The following PTPRD variants were observed in gnomAD, a reference collection of about 807,000 sequenced individuals.
PTPRD encodes the protein receptor-type tyrosine-protein phosphatase delta.
In PTPRD, 34 loss-of-function variants were observed where a neutral mutation model predicts 214.5. That is an observed-to-expected ratio of 0.16 (90% CI 0.12 to 0.21). PTPRD has a LOEUF of 0.21. Ranked by LOEUF, PTPRD falls within the 10% of genes least tolerant of loss-of-function variation. The pLI is 1.00. For synonymous variants in PTPRD, 1,128 were observed against 845.7 expected (o/e 1.33, Z -5.79); for missense variants, 2,545 against 2,398.7 (o/e 1.06, Z -1.27).
chr9:9,168,880 A>T (rs1339802685), intron 10 of PTPRD, among the ~76,000 whole-genome samples: 6 of 151,782 alleles, frequency 4.0e-5, no homozygotes, highest in African/African-American at 1.4e-4. Flanking sequence ...TTTTTTTAAA[A>T]AATATTTATT....
chr9:9,581,662 T>G (rs947652878), intron 7 of PTPRD, among the ~76,000 whole-genome samples: 12 of 152,092 alleles, frequency 7.9e-5, no homozygotes, highest in Admixed American at 7.2e-4. Flanking sequence ...TGTTTAGGTG[T>G]TAGAGTTTAC....
Position 8,341,178 on chromosome 9 carries a change from G to A in PTPRD, c.5038C>T (p.Pro1680Ser), listed in dbSNP as rs199674759. 68 of 1,612,768 alleles carry A rather than the reference G, an allele frequency of 4.2e-5. No homozygotes were observed. The Admixed American group carries it at 8.7e-4, about 21-fold the overall frequency. The change falls in exon 41 of 46, where the codon CCA becomes TCA. Residue 1680 changes from proline to serine, a missense_variant. Coordinates refer to ENST00000381196, the MANE Select transcript of PTPRD (RefSeq NM_002839.4). ...KFKNRLVNIMPYESTRVCLQP... is the reference protein window; with the variant it reads ...KFKNRLVNIMSYESTRVCLQP... ...AGGCATACCCTTGTGGATTCATATG[G>A]CATAATATTAACAAGGCGATTTTTG...
intron 6 of PTPRD, among the ~76,000 whole-genome samples, chr9:9,760,370 T>C (rs1031809544): frequency 2.0e-5 from 3 of 152,126 alleles, no homozygotes; most frequent in Non-Finnish European, 4.4e-5. Context: ...TTACATACAG[T>C]AAAATTTTTG....
intron 2 of PTPRD, among the ~76,000 whole-genome samples, chr9:10,471,048 GA>G (rs1282079271): frequency 1.3e-5 from 2 of 152,038 alleles, no homozygotes; most frequent in East Asian, 3.9e-4. Flanking sequence ...ACACAGGAAA[GA>G]AAACCAAACA....
At chr9:9,070,777 A>G (rs1461998786) in intron 10 of PTPRD, among the ~76,000 whole-genome samples, 1 of 152,168 alleles carries the variant, frequency 6.6e-6, no homozygotes, top group Non-Finnish European at 1.5e-5. Flanking sequence ...TACATTTATC[A>G]CACTTTATAA....
At chr9:8,636,661 A>G (rs1293483842) in intron 13 of PTPRD, 38 bp downstream of exon 13, 1 of 1,608,500 alleles carries the variant, frequency 6.2e-7, no homozygotes, top group Non-Finnish European at 8.5e-7. Context: ...GAGCAGATAC[A>G]TTCTTCCCCC....
At chr9:9,931,561 G>A (rs955632648) in intron 5 of PTPRD, among the ~76,000 whole-genome samples, 3 of 152,162 alleles carry the variant, frequency 2.0e-5, no homozygotes, top group Non-Finnish European at 2.9e-5. Context: ...TCCCGCACGT[G>A]GCTCGGAGGG....
intron 39 of PTPRD, among the ~76,000 whole-genome samples, chr9:8,353,983 G>T (rs2076337729): frequency 1.6e-5 from 2 of 126,400 alleles, no homozygotes; most frequent in East Asian, 2.2e-4. Context: ...TTTTTGAGAA[G>T]GAGTCTCACT....
intron 7 of PTPRD, among the ~76,000 whole-genome samples, chr9:9,623,151 C>T (rs1430971859): frequency 1.3e-5 from 2 of 152,136 alleles, no homozygotes; most frequent in African/African-American, 2.4e-5. Context: ...CTTACTTTCA[C>T]GTAACTCATT....
In PTPRD at chr9:8,387,773, G is replaced by C. The variant is rs560490902; in HGVS notation, c.4386+1459C>G. On this transcript the variant is annotated intron_variant, in intron 37 of 45. Coordinates refer to ENST00000381196, the MANE Select transcript of PTPRD (RefSeq NM_002839.4). Reference sequence around the variant, plus strand: ...CATATGTAAACTGGAGGTCACAGTAGTGTTTCTTGTAAAGGGCTGTTATGA... The same window carrying C: ...CATATGTAAACTGGAGGTCACAGTACTGTTTCTTGTAAAGGGCTGTTATGA... Among the ~76,000 whole-genome samples the C allele has an allele frequency of 9.2e-5, 14 of 152,288 alleles. No individual in the cohort carries two copies. The South Asian group carries it at 2.9e-3, about 32-fold the overall frequency.
intron 4 of PTPRD, among the ~76,000 whole-genome samples, chr9:9,977,455 A>T (rs1052330591): frequency 6.6e-6 from 1 of 152,212 alleles, no homozygotes; most frequent in Non-Finnish European, 1.5e-5. Flanking sequence ...ATCTATGTTT[A>T]AGTTTTTAAT....
intron 3 of PTPRD, among the ~76,000 whole-genome samples, chr9:10,261,094 T>G (rs56940504): frequency 0.13 from 18,942 of 141,662 alleles, 1,320 homozygotes; most frequent in Admixed American, 0.21. Context: ...TATATATATA[T>G]ATAGAGAGAG....
chr9:9,503,492 G>A (rs550424462), intron 8 of PTPRD, among the ~76,000 whole-genome samples: 4 of 151,584 alleles, frequency 2.6e-5, no homozygotes, highest in Non-Finnish European at 4.4e-5. Flanking sequence ...GCTCATAACT[G>A]TAAGACCAGA....
At chr9:8,743,119 G>GA (rs2092303004) in intron 11 of PTPRD, among the ~76,000 whole-genome samples, 1 of 148,864 alleles carries the variant, frequency 6.7e-6, no homozygotes, top group African/African-American at 2.5e-5. Flanking sequence ...AAAAAAGGGG[G>GA]GGGGGACTTT....
chr9:10,252,911 G>A (rs2092919065), intron 3 of PTPRD, among the ~76,000 whole-genome samples: 2 of 151,980 alleles, frequency 1.3e-5, no homozygotes, highest in Non-Finnish European at 1.5e-5. Context: ...AGCCTCCCGA[G>A]TAGCTGGGAT....
chr9:9,438,448 A>T (rs1411382187), intron 8 of PTPRD, among the ~76,000 whole-genome samples: 3 of 152,222 alleles, frequency 2.0e-5, no homozygotes, highest in African/African-American at 2.4e-5. Flanking sequence ...TTCTTTCTAA[A>T]TATGCATTGT....
intron 12 of PTPRD, among the ~76,000 whole-genome samples, chr9:8,720,687 GT>G (rs113484347): frequency 1.2e-4 from 18 of 151,260 alleles, no homozygotes; most frequent in African/African-American, 4.1e-4. Flanking sequence ...AAATTGATGT[GT>G]TTTTTTTTAA....
intron 11 of PTPRD, among the ~76,000 whole-genome samples, chr9:8,978,609 G>T (rs1458192066): frequency 6.6e-6 from 1 of 152,088 alleles, no homozygotes. Context: ...GGGTTTCGTG[G>T]ATGCAGCATA....
At chr9:9,043,724 T>C (rs1279844843) in intron 10 of PTPRD, among the ~76,000 whole-genome samples, 1 of 151,864 alleles carries the variant, frequency 6.6e-6, no homozygotes, top group Non-Finnish European at 1.5e-5. Flanking sequence ...GCCAAGATGA[T>C]GAAACCCTGA....
Sources: gnomAD v4.1 joint callset for allele counts (sites outside exome capture counted in the v4.1 genomes callset) on GRCh38, gnomAD v4.1.1 for gene constraint, MANE v1.5 for transcripts, NCBI Gene and HGNC (gene_info 2026-07-23, HGNC 2026-07-21) for gene names.